Variants in CREG2 observed in about 807,000 individuals in gnomAD.
CREG2 encodes the protein cellular repressor of E1A stimulated genes 2.
A neutral mutation model predicts 26.2 loss-of-function variants in CREG2; 24 were observed. The observed-to-expected ratio is 0.92, with a 90% CI of 0.66 to 1.29. The LOEUF is 1.29. CREG2 is among the 50% of genes most tolerant of loss of function. The pLI is 0.00. For synonymous variants in CREG2, 174 were observed against 169.2 expected, an observed-to-expected ratio of 1.03 and a Z score of -0.22; for missense variants, 366 against 398.6, an observed-to-expected ratio of 0.92 and a Z score of 0.70.
At chr2:101,361,557 ACT>A (rs1054729079) in intron 2 of CREG2, among the ~76,000 whole-genome samples, 1 of 152,056 alleles carries the variant, frequency 6.6e-6, no homozygotes, top group African/African-American at 2.4e-5. Context: ...CAGGAAACAG[ACT>A]CTGCCCCAGG....
chr2:101,351,011 A>T lies in CREG2; in HGVS notation c.785T>A (p.Ile262Lys), dbSNP rs2104467673. Reference protein sequence around the residue: ...QYEWFFMKMRIEHIWLQKWYG... With the variant: ...QYEWFFMKMRKEHIWLQKWYG... ...CCATTTCTGAAGCCAGATATGTTCT[A>T]TCCTCATCTTCATAAAGAACCATTC... The change falls in exon 4 of 4, where the codon ATA (isoleucine) becomes AAA (lysine). Residue 262 changes from isoleucine (I) to lysine (K), a missense_variant. Ile to Lys is a moderately radical substitution (Grantham distance 102, BLOSUM62 -3). Around this residue, in one of 3 missense-constraint regions of CREG2, gnomAD observed 174 missense variants for 178.2 expected, o/e 0.98. Transcript: ENST00000324768. 1 of 1,614,160 alleles carries T rather than the reference A, an allele frequency of 6.2e-7. No individual in the cohort carries two copies. Among genetic ancestry groups the T allele is most frequent in the Admixed American group, 1.7e-5 (1 of 60,016 alleles).
At chr2:101,377,344 A>T (rs1421336022) in intron 2 of CREG2, among the ~76,000 whole-genome samples, 1 of 152,184 alleles carries the variant, frequency 6.6e-6, no homozygotes, top group Non-Finnish European at 1.5e-5. Context: ...ATGAAAATTG[A>T]TCCAATACGA....
intron 2 of CREG2, among the ~76,000 whole-genome samples, chr2:101,373,694 A>G (rs1359467900): frequency 6.6e-6 from 1 of 152,226 alleles, no homozygotes; most frequent in Non-Finnish European, 1.5e-5. Context: ...GACAGGAACC[A>G]CAGAGACAAA....
At position 101,387,071 on chromosome 2, in the gene CREG2, G is replaced by C; in HGVS notation, c.387C>G (p.Ser129=). Residue 129 remains serine, a synonymous_variant, in exon 1 of 4, where the codon TCC becomes TCG. Coordinates refer to ENST00000324768, the MANE Select transcript of CREG2 (RefSeq NM_153836.4). This position sits in a 1 kb window ranked among gnomAD's most constrained non-coding sequence, Gnocchi z 4.7. ...AGCCCCAGACGCTGGCATGGGCCAG[G>C]GAGCGGGCGGTGGCGGCGCGCAGTC... ...GPRLRAATAR[S]LAHASVWGCL... The C allele has an allele frequency of 4.9e-6, 6 of 1,234,130 alleles. No homozygotes were observed. Among genetic ancestry groups the C allele is most frequent in the Non-Finnish European group, 6.1e-6 (6 of 989,922 alleles). 76.4% of individuals were successfully genotyped at this position (1,234,130 alleles called of 1,614,324 possible). A position where few individuals can be genotyped will look rare whatever the true frequency, so the allele number is the denominator to read the frequency against.
At chr2:101,382,829 G>A (rs1474448310) in intron 2 of CREG2, 2 of 985,318 alleles carry the variant, frequency 2.0e-6, no homozygotes, top group Admixed American at 6.1e-5. Flanking sequence ...AGGTTAAAGG[G>A]CTCACCCCAG....
At chr2:101,383,759 GGAGCTTA>G in intron 1 of CREG2, 57 bp from the exon 2 acceptor site, 1 of 1,494,548 alleles carries the variant, frequency 6.7e-7, no homozygotes, top group Non-Finnish European at 9.0e-7. Flanking sequence ...ACTTGATCTG[GGAGCTTA>G]GCTTGTGCCT....
intron 2 of CREG2, among the ~76,000 whole-genome samples, chr2:101,361,478 T>C (rs1684538716): frequency 6.6e-6 from 1 of 152,182 alleles, no homozygotes; most frequent in Non-Finnish European, 1.5e-5. Context: ...TGCCTGGCCA[T>C]GGCTGGCTTT....
chr2:101,365,469 A>G (rs912684343), intron 2 of CREG2, among the ~76,000 whole-genome samples: 5 of 152,162 alleles, frequency 3.3e-5, no homozygotes, highest in African/African-American at 1.2e-4. Context: ...ATCACAGGAA[A>G]CCTATCAAAG....
chr2:101,361,151 T>A (rs1386273269), intron 2 of CREG2, among the ~76,000 whole-genome samples: 2 of 152,198 alleles, frequency 1.3e-5, no homozygotes, highest in Non-Finnish European at 2.9e-5. Flanking sequence ...CTACTGTGGG[T>A]AATTACATAG....
intron 2 of CREG2, among the ~76,000 whole-genome samples, chr2:101,360,284 A>G (rs1684520758): frequency 6.6e-6 from 1 of 152,230 alleles, no homozygotes; most frequent in South Asian, 2.1e-4. Flanking sequence ...ACCTCCTGAA[A>G]ACCTCTTCAG....
intron 2 of CREG2, among the ~76,000 whole-genome samples, chr2:101,374,040 A>AT (rs989816300): frequency 2.6e-5 from 4 of 152,126 alleles, no homozygotes; most frequent in Non-Finnish European, 4.4e-5. Context: ...TAATTTTTTT[A>AT]TTTTTTGTAG....
chr2:101,381,815 G>A (rs1051672849), intron 2 of CREG2, among the ~76,000 whole-genome samples: 3 of 152,164 alleles, frequency 2.0e-5, no homozygotes, highest in Admixed American at 6.5e-5. Flanking sequence ...AGGTGTTTGC[G>A]TGTCCTACAT....
chr2:101,368,761 C>T (rs1223623899), intron 2 of CREG2, among the ~76,000 whole-genome samples: 1 of 152,156 alleles, frequency 6.6e-6, no homozygotes. Context: ...AAAAGAGGCC[C>T]CAGAGAGTTC....
chr2:101,383,512 T>C, intron 2 of CREG2, 21 bp downstream of exon 2: 1 of 1,612,524 alleles, frequency 6.2e-7, no homozygotes, highest in South Asian at 1.1e-5. Context: ...CCCGTGTGAG[T>C]GAGGGCAAAC....
chr2:101,381,032 G>A (rs1339551592), intron 2 of CREG2, among the ~76,000 whole-genome samples: 1 of 152,196 alleles, frequency 6.6e-6, no homozygotes, highest in Admixed American at 6.5e-5. Flanking sequence ...CTGAAGCTGA[G>A]AGGAGCAGGT....
At chr2:101,365,081 G>A (rs190981835) in intron 2 of CREG2, among the ~76,000 whole-genome samples, 2 of 152,352 alleles carry the variant, frequency 1.3e-5, no homozygotes, top group East Asian at 3.9e-4. Flanking sequence ...AAGCTGGAGT[G>A]TAGGATGCGC....
At chr2:101,369,465 G>A (rs1244012119) in intron 2 of CREG2, among the ~76,000 whole-genome samples, 2 of 152,178 alleles carry the variant, frequency 1.3e-5, no homozygotes, top group African/African-American at 4.8e-5. Context: ...GAGCTCAGAT[G>A]AGTGGTCTCA....
intron 2 of CREG2, among the ~76,000 whole-genome samples, chr2:101,359,144 A>G (rs1684505402): frequency 6.6e-6 from 1 of 151,814 alleles, no homozygotes; most frequent in African/African-American, 2.4e-5. Context: ...AATGAAAGGA[A>G]GTAAAGTACA....
intron 2 of CREG2, among the ~76,000 whole-genome samples, chr2:101,365,607 T>G (rs1402666035): frequency 1.3e-5 from 2 of 152,232 alleles, no homozygotes; most frequent in Non-Finnish European, 2.9e-5. Flanking sequence ...GTTTTTATTT[T>G]ATTTTACAGC....
Sources: gnomAD v4.1 joint callset for allele counts (sites outside exome capture counted in the v4.1 genomes callset) on GRCh38, gnomAD v4.1.1 for gene constraint, gnomAD v4.1.1 regional missense constraint, Gnocchi (gnomAD v3.1) non-coding constraint, MANE v1.5 for transcripts, NCBI Gene and HGNC (gene_info 2026-07-23, HGNC 2026-07-21) for gene names.